The following RABGGTB variants were observed in gnomAD, a reference collection of about 807,000 sequenced individuals.
RABGGTB encodes the protein geranylgeranyl transferase type-2 subunit beta.
RABGGTB carries 20 observed loss-of-function variants against 44.5 expected under a neutral mutation model. That is an observed-to-expected ratio of 0.45 (90% CI 0.32 to 0.65). The LOEUF is 0.65. Among genes scored for constraint, RABGGTB ranks in the 30% least tolerant of loss-of-function variants. The probability of loss-of-function intolerance (pLI) is 0.05; values close to 1 mark genes in which losing one functional copy is unlikely to be tolerated. For missense variants in RABGGTB, 302 were observed against 398.7 expected (o/e 0.76, Z 2.06); for synonymous variants, 128 against 136.7 (o/e 0.94, Z 0.44).
intron 2 of RABGGTB, chr1:75,788,613 A>C (rs1649560550): frequency 6.4e-6 from 1 of 156,530 alleles, no homozygotes; most frequent in South Asian, 1.9e-4. Flanking sequence ...AATATAATGC[A>C]TTGTTGAGTG....
rs758537979 is a variant in RABGGTB at position 75,786,278 on chromosome 1, AGT to A, written c.3+8_3+9del. On this transcript the variant is annotated splice_donor_5th_base_variant and intron_variant, in intron 1 of 8. Transcript: ENST00000319942. The stretch of plus-strand genomic sequence containing the variant: ...TCTCCTTTCCCTGTTAGACATGGTA[AGT>A]GTGAGTTTAGCGCTGCTGTCCGGAT... 12 of 1,614,096 alleles carry A rather than the reference AGT, an allele frequency of 7.4e-6. No homozygotes were observed. Among genetic ancestry groups the A allele is most frequent in the Non-Finnish European group, 1.0e-5 (12 of 1,180,032 alleles).
chr1:75,792,927 CA>C (rs1254489584), intron 7 of RABGGTB, among the ~76,000 whole-genome samples: 2 of 152,124 alleles, frequency 1.3e-5, no homozygotes, highest in Admixed American at 1.3e-4. Context: ...CTCCCAGGTT[CA>C]AGCAGTTCTG....
intron 4 of RABGGTB, among the ~76,000 whole-genome samples, chr1:75,790,900 C>T (rs547152483): frequency 2.6e-5 from 4 of 152,168 alleles, no homozygotes; most frequent in African/African-American, 9.6e-5. Flanking sequence ...GCCTCGGCCA[C>T]CAAAAGTGCT....
intron 2 of RABGGTB, chr1:75,788,941 G>C (rs985596238): frequency 1.8e-6 from 1 of 563,002 alleles, no homozygotes. Flanking sequence ...AACTAATCCT[G>C]TGCTTCTCAG....
intron 3 of RABGGTB, 167 bp from the exon 4 acceptor site, chr1:75,789,782 TTTC>T: frequency 1.7e-6 from 1 of 595,504 alleles, no homozygotes; most frequent in Non-Finnish European, 2.9e-6. Flanking sequence ...AGATTTGAGT[TTTC>T]TTGATACTAT....
chr1:75,790,343 G>C, intron 4 of RABGGTB: 1 of 1,177,062 alleles, frequency 8.5e-7, no homozygotes, highest in African/African-American at 2.7e-5. Context: ...TTGCTGGAAA[G>C]GGAAAAATAT....
chr1:75,793,979 T>C (rs1174557769), intron 7 of RABGGTB, 105 bp from the exon 8 acceptor site: 3 of 1,165,414 alleles, frequency 2.6e-6, no homozygotes, highest in South Asian at 3.8e-5. Flanking sequence ...TTTGACACTT[T>C]GAACATCAGA....
At position 75,794,151 on chromosome 1, in the gene RABGGTB, T is replaced by C. The variant is rs142398042; in HGVS notation, c.773T>C (p.Ile258Thr). Reference protein sequence around the residue: ...SLKIIGRLHWIDREKLRNFIL... With the variant: ...SLKIIGRLHWTDREKLRNFIL... ...AAGATAATTGGAAGACTTCATTGGA[T>C]TGATAGAGAGAAACTGCGTAATTTC... Residue 258 changes from isoleucine (I) to threonine (T), a missense_variant, in exon 8 of 9, where the codon ATT becomes ACT. Transcript: ENST00000319942. The C allele has an allele frequency of 1.9e-6, 3 of 1,613,876 alleles. No individual in the cohort carries two copies. The highest frequency in any genetic ancestry group is 2.7e-5 in the African/African-American group (2 of 75,042).
intron 6 of RABGGTB, chr1:75,791,922 C>T (rs1649656236): frequency 2.4e-6 from 1 of 408,630 alleles, no homozygotes; most frequent in African/African-American, 2.0e-5. Context: ...TGCCAGAGAA[C>T]ACTGAATATG....
At position 75,794,896 on chromosome 1, in the gene RABGGTB, A is replaced by G. The variant is rs1188274860; in HGVS notation, c.*246A>G. ...GTATACTTCTGTGTCTGTTATGTTC[A>G]ATAACTGAGCTAACATAAAATAACT... On this transcript the variant is annotated 3_prime_UTR_variant, in exon 9 of 9. Coordinates refer to ENST00000319942, the MANE Select transcript of RABGGTB (RefSeq NM_004582.4). The G allele has an allele frequency of 4.8e-6, 1 of 209,588 alleles. No individual in the cohort carries two copies. Among genetic ancestry groups the G allele is most frequent in the Non-Finnish European group, 9.3e-6 (1 of 107,774 alleles). 13.0% of individuals were successfully genotyped at this position (209,588 alleles called of 1,614,324 possible). A position where few individuals can be genotyped will look rare whatever the true frequency, so the allele number is the denominator to read the frequency against.
At chr1:75,786,958 T>C (rs764039328) in intron 1 of RABGGTB, 1 of 399,392 alleles carries the variant, frequency 2.5e-6, no homozygotes. Flanking sequence ...TTCTGCCACA[T>C]GTAAACCGTA....
At chr1:75,790,834 G>A (rs113340611) in intron 4 of RABGGTB, among the ~76,000 whole-genome samples, 6 of 152,122 alleles carry the variant, frequency 3.9e-5, no homozygotes, top group Non-Finnish European at 5.9e-5. Context: ...ACAACACCTG[G>A]CTGGTTTTTG....
upstream of RABGGTB, chr1:75,786,205 C>G (rs1649466992): frequency 2.5e-6 from 4 of 1,602,344 alleles, no homozygotes; most frequent in East Asian, 2.2e-5. Flanking sequence ...AGAGGCGCAT[C>G]TGCGCAGGCG....
rs1469940596 is a variant in RABGGTB at position 75,789,960 on chromosome 1, G to A, written c.318G>A (p.Thr106=). ...LYTLSAVQIL[T]LYDSINVIDV... is the part of the protein sequence containing the mutation. The stretch of plus-strand genomic sequence containing the variant: ...ACTTGTCTTTATTGCAGATTCTTAC[G>A]CTGTATGACAGTATTAATGTTATTG... Residue 106 remains threonine (T), a synonymous_variant, in exon 4 of 9, where the codon ACG becomes ACA. Transcript: ENST00000319942. 8 of 1,603,368 alleles carry A rather than the reference G, an allele frequency of 5.0e-6. No individual in the cohort carries two copies. The highest frequency in any genetic ancestry group is 1.1e-5 in the South Asian group (1 of 90,540).
At chr1:75,790,834 G>C (rs113340611) in intron 4 of RABGGTB, among the ~76,000 whole-genome samples, 1 of 152,122 alleles carries the variant, frequency 6.6e-6, no homozygotes, top group African/African-American at 2.4e-5. Flanking sequence ...ACAACACCTG[G>C]CTGGTTTTTG....
At chr1:75,789,565 ATCT>A (rs1649595088) in intron 3 of RABGGTB, 1 of 757,960 alleles carries the variant, frequency 1.3e-6, no homozygotes, top group Non-Finnish European at 2.4e-6. Flanking sequence ...TAAAATTTTT[ATCT>A]TCAGTATGTG....
At chr1:75,792,768 A>G (rs996315877) in intron 7 of RABGGTB, among the ~76,000 whole-genome samples, 9 of 152,212 alleles carry the variant, frequency 5.9e-5, no homozygotes, top group African/African-American at 1.7e-4. Flanking sequence ...AAGTGCAGCC[A>G]TAAGTGGTAA....
Position 75,789,945 on chromosome 1 carries a change from A to G in RABGGTB, c.310-7A>G. 2.5e-6 allele frequency: 4 copies of G among 1,585,456 alleles called. No individual in the cohort carries two copies. The highest frequency in any genetic ancestry group is 3.5e-6 in the Non-Finnish European group (4 of 1,156,148). ...GGACATTTACCTAATACTTGTCTTT[A>G]TTGCAGATTCTTACGCTGTATGACA... On this transcript the variant is annotated splice_polypyrimidine_tract_variant and splice_region_variant and intron_variant, in intron 3 of 8. Coordinates refer to ENST00000319942, the MANE Select transcript of RABGGTB (RefSeq NM_004582.4).
chr1:75,788,838 T>G (rs57389460), intron 2 of RABGGTB: 12,113 of 324,874 alleles, frequency 0.037, 293 homozygotes, highest in African/African-American at 0.043. Context: ...AGAAATACTC[T>G]CCCTGAACTT....
Sources: allele counts gnomAD v4.1 joint callset (sites outside exome capture counted in the v4.1 genomes callset), GRCh38; gene constraint gnomAD v4.1.1; transcripts MANE v1.5; gene names NCBI Gene and HGNC (gene_info 2026-07-23, HGNC 2026-07-21).